HTRA4: variants seen among roughly 807,000 people sequenced by gnomAD.
The protein encoded by HTRA4 is serine protease HTRA4.
Under a neutral mutation model 49.1 loss-of-function variants are expected in HTRA4, and 46 were observed. The observed-to-expected ratio is 0.94, with a 90% confidence interval of 0.74 to 1.20. The LOEUF is 1.20. HTRA4 is among the 50% of genes most tolerant of loss of function. HTRA4 has a pLI of 0.00. For missense variants in HTRA4, 602 were observed against 636.9 expected, an observed-to-expected ratio of 0.95 and a Z score of 0.59; for synonymous variants, 261 against 264.0, an observed-to-expected ratio of 0.99 and a Z score of 0.11.
At position 38,979,239 on chromosome 8, in the gene HTRA4, G is replaced by A; in HGVS notation, c.991G>A (p.Val331Met). ...INYGNSGGPLVNLDGDVIGVN... is the reference protein window; with the variant it reads ...INYGNSGGPLMNLDGDVIGVN... ...GTATGGGAATTCTGGTGGTCCTCTG[G>A]TGAACTTGGTAAGTGATCACTTTCC... The change falls in exon 5 of 9, where the codon GTG (valine) becomes ATG (methionine). Residue 331 changes from valine (V) to methionine (M), a missense_variant. Coordinates refer to ENST00000302495, the MANE Select transcript of HTRA4 (RefSeq NM_153692.4). 1 of 1,613,272 alleles carries A rather than the reference G, an allele frequency of 6.2e-7. No individual in the cohort carries two copies. Among genetic ancestry groups the A allele is most frequent in the Non-Finnish European group, 8.5e-7 (1 of 1,179,284 alleles).
chr8:38,974,239 A>AGAGT lies in HTRA4; in HGVS notation c.-23_-20dup, dbSNP rs1835309074. ...TGCAGGTCCAGAGTAAAGTCACTGA[A>AGAGT]GAGTGGAAGCGAGGAAGGAACAGGA... is the stretch of plus-strand genomic sequence containing the variant. On this transcript the variant is annotated 5_prime_UTR_variant, in exon 1 of 9. Transcript: ENST00000302495. The AGAGT allele has an allele frequency of 6.2e-7, 1 of 1,610,348 alleles. No homozygotes were observed. The highest frequency in any genetic ancestry group is 1.7e-5 in the Admixed American group (1 of 59,806).
intron 5 of HTRA4, among the ~76,000 whole-genome samples, chr8:38,980,748 G>GA (rs199849399): frequency 0.44 from 64,301 of 145,000 alleles, 14,152 homozygotes; most frequent in East Asian, 0.75. Context: ...AAAAAGAAAA[G>GA]AAAAAAAAAA....
At chr8:38,979,835 A>G (rs1358178351) in intron 5 of HTRA4, among the ~76,000 whole-genome samples, 1 of 152,054 alleles carries the variant, frequency 6.6e-6, no homozygotes, top group African/African-American at 2.4e-5. Flanking sequence ...TGGATATTAA[A>G]CCCAGGTTTA....
In HTRA4 at chr8:38,988,376, G is replaced by C. The variant is rs1472453377; in HGVS notation, c.*278G>C. ...CATTATCCTCAGCAAACTAACGCAG[G>C]AACAGAAAACCAAATACTGCATGTT... On this transcript the variant is annotated 3_prime_UTR_variant, in exon 9 of 9. Coordinates refer to ENST00000302495, the MANE Select transcript of HTRA4 (RefSeq NM_153692.4). 8.9e-6 allele frequency: 2 copies of C among 225,104 alleles called. No individual in the cohort carries two copies. The highest frequency in any genetic ancestry group is 5.7e-5 in the Admixed American group (1 of 17,500). The allele number at this position is 225,104 out of a possible 1,614,324, so 13.9% of individuals were successfully genotyped here.
intron 5 of HTRA4, 24 bp from the exon 6 acceptor site, chr8:38,981,629 G>C: frequency 6.4e-7 from 1 of 1,567,860 alleles, no homozygotes; most frequent in Non-Finnish European, 8.8e-7. Flanking sequence ...CTTCATGACT[G>C]AATGATGTCC....
chr8:38,975,575 A>T (rs1835340349), intron 2 of HTRA4, among the ~76,000 whole-genome samples: 1 of 152,044 alleles, frequency 6.6e-6, no homozygotes, highest in Non-Finnish European at 1.5e-5. Flanking sequence ...TACCCAGCTA[A>T]TATTTGTATT....
At position 38,975,075 on chromosome 8, in the gene HTRA4, G is replaced by C. The variant is rs1316430142; in HGVS notation, c.511G>C (p.Ala171Pro). 5 of 1,613,984 alleles carry C rather than the reference G, an allele frequency of 3.1e-6. No individual in the cohort carries two copies. The highest frequency in any genetic ancestry group is 4.2e-6 in the Non-Finnish European group (5 of 1,180,026). The change falls in exon 2 of 9, where the codon GCC becomes CCC. Residue 171 changes from alanine (A) to proline (P), a missense_variant. Coordinates refer to ENST00000302495, the MANE Select transcript of HTRA4 (RefSeq NM_153692.4). ...GPLRRNYNFI[A>P]AVVEKVAPSV... ...GCTCAGGAGGAATTACAACTTCATC[G>C]CCGCGGTGGTGGAGAAGGTGGCGCC...
chr8:38,978,767 G>T (rs759575014), intron 4 of HTRA4, among the ~76,000 whole-genome samples: 7 of 151,316 alleles, frequency 4.6e-5, no homozygotes, highest in Admixed American at 2.0e-4. Context: ...GAGGCCGAAG[G>T]GGGTGGATCA....
At position 38,975,107 on chromosome 8, in the gene HTRA4, G is replaced by A. The variant is rs905049245; in HGVS notation, c.543G>A (p.Val181=). Residue 181 remains valine (V), a synonymous_variant, in exon 2 of 9, where the codon GTG becomes GTA. Coordinates refer to ENST00000302495, the MANE Select transcript of HTRA4 (RefSeq NM_153692.4). ...AAVVEKVAPS[V]VHVQLWGRLL... is the part of the protein sequence containing the mutation. ...TGGTGGAGAAGGTGGCGCCATCGGT[G>A]GTTCACGTGCAGCTGTGGGGCAGGT... is the stretch of plus-strand genomic sequence containing the variant. 1 of 1,613,806 alleles carries A rather than the reference G, an allele frequency of 6.2e-7. No homozygotes were observed. The highest frequency in any genetic ancestry group is 1.1e-5 in the South Asian group (1 of 91,080).
chr8:38,978,002 G>C lies in HTRA4; in HGVS notation c.821G>C (p.Gly274Ala). ...GGAAGATCATCTGACCTTCGGGCTG[G>C]AGAGTTTGTGGTGGCTTTGGGCAGC... ...MLGRSSDLRA[G>A]EFVVALGSPF... is the part of the protein sequence containing the mutation. The change falls in exon 4 of 9, where the codon GGA (glycine) becomes GCA (alanine). Residue 274 changes from glycine (G) to alanine (A), a missense_variant. Transcript: ENST00000302495. 1 of 1,614,176 alleles carries C rather than the reference G, an allele frequency of 6.2e-7. No individual in the cohort carries two copies. Among genetic ancestry groups the C allele is most frequent in the Non-Finnish European group, 8.5e-7 (1 of 1,180,040 alleles).
Position 38,981,076 on chromosome 8 carries a change from T to TTTTTTTG in HTRA4, c.1000-571_1000-570insGTTTTTT, listed in dbSNP as rs1169562011. ...AAATGAGCTTAAGTTTTTTTTTTTT[T>TTTTTTTG]TTTTTTTTTTTTTTTTTTTTTGAGA... On this transcript the variant is annotated intron_variant, in intron 5 of 8. Coordinates refer to ENST00000302495, the MANE Select transcript of HTRA4 (RefSeq NM_153692.4). Among the ~76,000 whole-genome samples the TTTTTTTG allele has an allele frequency of 2.3e-3, 236 of 104,252 alleles. 5 individuals carry two copies. The highest frequency in any genetic ancestry group is 9.3e-3 in the East Asian group (37 of 3,976). The allele number at this position is 104,252 out of a possible 152,430, so 68.4% of individuals were successfully genotyped here. A position where few individuals can be genotyped will look rare whatever the true frequency, so the allele number is the denominator to read the frequency against.
intron 2 of HTRA4, among the ~76,000 whole-genome samples, chr8:38,975,364 C>T (rs1835337007): frequency 6.6e-6 from 1 of 152,198 alleles, no homozygotes; most frequent in African/African-American, 2.4e-5. Context: ...CTTTTTCCCC[C>T]TCCTGCCACA....
intron 8 of HTRA4, among the ~76,000 whole-genome samples, 161 bp downstream of exon 8, chr8:38,983,209 AC>A (rs1835445455): frequency 1.3e-5 from 2 of 152,216 alleles, no homozygotes; most frequent in Non-Finnish European, 2.9e-5. Context: ...TGACTGAGGA[AC>A]TGAATTTTGA....
intron 5 of HTRA4, among the ~76,000 whole-genome samples, chr8:38,979,689 A>T (rs7840293): frequency 0.76 from 116,003 of 152,064 alleles, 44,520 homozygotes; most frequent in East Asian, 0.95. Flanking sequence ...TTATTTATTT[A>T]TTTATTTAAT....
chr8:38,979,925 T>G (rs1835398500), intron 5 of HTRA4, among the ~76,000 whole-genome samples: 1 of 152,238 alleles, frequency 6.6e-6, no homozygotes. Flanking sequence ...ATCTCTCATT[T>G]AAAAATGCTA....
chr8:38,979,336 T>C, intron 5 of HTRA4, 89 bp downstream of exon 5: 1 of 1,213,044 alleles, frequency 8.2e-7, no homozygotes, highest in Non-Finnish European at 1.2e-6. Flanking sequence ...GGCTCATGCC[T>C]GTAATCCCAG....
rs375196128 is a variant in HTRA4 at position 38,976,695 on chromosome 8, A to G, written c.727A>G (p.Ile243Val). 6.2e-7 allele frequency: 1 copy of G among 1,614,196 alleles called. No homozygotes were observed. Among genetic ancestry groups the G allele is most frequent in the Non-Finnish European group, 8.5e-7 (1 of 1,180,044 alleles). ...CCGTTATGAAGCTGTTGTCAAGGAT[A>G]TTGACCTTAAATTGGATCTTGCGGT... ...GARYEAVVKD[I>V]DLKLDLAVIK... The change falls in exon 3 of 9, where the codon ATT (isoleucine) becomes GTT (valine). Residue 243 changes from isoleucine (I) to valine (V), a missense_variant. Transcript: ENST00000302495.
chr8:38,988,213 G>C lies in HTRA4; in HGVS notation c.*115G>C. On this transcript the variant is annotated 3_prime_UTR_variant, in exon 9 of 9. Transcript: ENST00000302495. ...AGTTTTTGGATCTTTTTCTTACAAA[G>C]AAAAATGGATGGTTATCAACCCAAA... The C allele has an allele frequency of 1.1e-6, 1 of 931,506 alleles. No homozygotes were observed. The highest frequency in any genetic ancestry group is 1.5e-6 in the Non-Finnish European group (1 of 646,294). The allele number at this position is 931,506 out of a possible 1,614,324, so 57.7% of individuals were successfully genotyped here.
intron 4 of HTRA4, among the ~76,000 whole-genome samples, chr8:38,978,965 G>T (rs970420937): frequency 7.1e-6 from 1 of 141,644 alleles, no homozygotes; most frequent in African/African-American, 2.7e-5. Flanking sequence ...TTGCATTCCA[G>T]CCTGGGCAAC....
Sources: allele counts gnomAD v4.1 joint callset (sites outside exome capture counted in the v4.1 genomes callset), GRCh38; gene constraint gnomAD v4.1.1; transcripts MANE v1.5; gene names NCBI Gene and HGNC (gene_info 2026-07-23, HGNC 2026-07-21).